Variants in DLGAP2 observed in about 807,000 individuals in gnomAD.
DLGAP2 encodes disks large-associated protein 2.
In DLGAP2, 26 loss-of-function variants were observed where a neutral mutation model predicts 100.3. The observed-to-expected ratio is 0.26, with a 90% CI of 0.19 to 0.36. The LOEUF (loss-of-function observed/expected upper bound fraction) is 0.36. Ranked by LOEUF, DLGAP2 falls within the 10% of genes least tolerant of loss-of-function variation. The pLI, the probability that DLGAP2 is intolerant of heterozygous loss-of-function variation, is 1.00. For synonymous variants in DLGAP2, 886 were observed against 630.1 expected, an observed-to-expected ratio of 1.41 and a Z score of -6.08; for missense variants, 1,858 against 1,453.2, an observed-to-expected ratio of 1.28 and a Z score of -4.53.
chr8:1,490,442 A>G (rs919730912), intron 3 of DLGAP2, among the ~76,000 whole-genome samples: 2 of 152,172 alleles, frequency 1.3e-5, no homozygotes, highest in African/African-American at 4.8e-5. Context: ...ATATTTTTTT[A>G]TGTTAAAATG....
At chr8:1,025,329 C>T (rs1801766601) in intron 2 of DLGAP2, among the ~76,000 whole-genome samples, 2 of 152,162 alleles carry the variant, frequency 1.3e-5, no homozygotes, top group Non-Finnish European at 2.9e-5. Context: ...AGATTGTTTT[C>T]AAGGCTGTTC....
At chr8:752,807 C>G (rs1266641190) in intron 1 of DLGAP2, among the ~76,000 whole-genome samples, 1 of 152,110 alleles carries the variant, frequency 6.6e-6, no homozygotes, top group Admixed American at 6.5e-5. Context: ...ATACTGTCGG[C>G]TGGGCCCAGG....
chr8:893,973 C>G (rs776170553), intron 1 of DLGAP2, among the ~76,000 whole-genome samples: 1 of 152,328 alleles, frequency 6.6e-6, no homozygotes, highest in South Asian at 2.1e-4. Context: ...CCTTGGCTGT[C>G]GGCCCGAGGC....
intron 2 of DLGAP2, among the ~76,000 whole-genome samples, chr8:931,637 C>A (rs1050259520): frequency 3.9e-5 from 6 of 152,168 alleles, no homozygotes; most frequent in African/African-American, 1.4e-4. Flanking sequence ...TCTCTGGAAC[C>A]CTTGCCAGCC....
intron 2 of DLGAP2, among the ~76,000 whole-genome samples, chr8:1,170,221 C>T (rs1797100192): frequency 6.6e-6 from 1 of 152,174 alleles, no homozygotes; most frequent in African/African-American, 2.4e-5. Context: ...CCTTGCATCC[C>T]AGGGATGAAG....
At chr8:1,005,861 G>A (rs1258550449) in intron 2 of DLGAP2, among the ~76,000 whole-genome samples, 2 of 152,104 alleles carry the variant, frequency 1.3e-5, no homozygotes, top group Non-Finnish European at 2.9e-5. Context: ...TGCTCCAGAT[G>A]TCCCATGACT....
intron 2 of DLGAP2, among the ~76,000 whole-genome samples, chr8:1,203,855 A>C (rs1797934507): frequency 6.6e-6 from 1 of 152,194 alleles, no homozygotes; most frequent in African/African-American, 2.4e-5. Context: ...GGATGAAGGC[A>C]GGCTCGTTCT....
At chr8:1,047,396 C>G (rs1201032811) in intron 2 of DLGAP2, among the ~76,000 whole-genome samples, 1 of 152,160 alleles carries the variant, frequency 6.6e-6, no homozygotes, top group African/African-American at 2.4e-5. Flanking sequence ...TTGCATTACA[C>G]TTACCAGTTA....
intron 1 of DLGAP2, among the ~76,000 whole-genome samples, chr8:766,130 A>C (rs1015820384): frequency 2.6e-5 from 4 of 152,158 alleles, no homozygotes; most frequent in Non-Finnish European, 5.9e-5. Context: ...TTGTGCCATT[A>C]CACTCCAGCC....
chr8:1,198,850 G>A (rs1225402094), intron 2 of DLGAP2, among the ~76,000 whole-genome samples: 2 of 152,246 alleles, frequency 1.3e-5, no homozygotes, highest in African/African-American at 2.4e-5. Flanking sequence ...GGTCTTGGCT[G>A]GGGGTTAGGA....
At chr8:1,069,335 G>A (rs761700342) in intron 2 of DLGAP2, among the ~76,000 whole-genome samples, 5 of 152,142 alleles carry the variant, frequency 3.3e-5, no homozygotes, top group Non-Finnish European at 4.4e-5. Flanking sequence ...ACAGACCTGC[G>A]GCCCGTGGAC....
At chr8:1,193,784 C>G (rs1377380696) in intron 2 of DLGAP2, among the ~76,000 whole-genome samples, 2 of 152,000 alleles carry the variant, frequency 1.3e-5, no homozygotes, top group Non-Finnish European at 2.9e-5. Flanking sequence ...TCTAGAGCCT[C>G]CGCACCATGC....
At chr8:1,115,320 C>G (rs1369242393) in intron 2 of DLGAP2, among the ~76,000 whole-genome samples, 1 of 152,148 alleles carries the variant, frequency 6.6e-6, no homozygotes, top group Non-Finnish European at 1.5e-5. Context: ...GTGTGGGAGT[C>G]TTTTTCTCTT....
chr8:1,196,384 G>A (rs1206021058), intron 2 of DLGAP2, among the ~76,000 whole-genome samples: 1 of 152,166 alleles, frequency 6.6e-6, no homozygotes, highest in Admixed American at 6.5e-5. Flanking sequence ...TCAGCACAGG[G>A]GCTAACACAG....
At chr8:1,327,512 TTGA>T (rs1801048046) in intron 3 of DLGAP2, among the ~76,000 whole-genome samples, 1 of 152,218 alleles carries the variant, frequency 6.6e-6, no homozygotes, top group African/African-American at 2.4e-5. Context: ...GAAGTTGAAC[TTGA>T]CCTTTTTAAA....
chr8:1,533,249 A>G (rs1801043871), intron 4 of DLGAP2, among the ~76,000 whole-genome samples: 1 of 152,042 alleles, frequency 6.6e-6, no homozygotes, highest in Non-Finnish European at 1.5e-5. Flanking sequence ...CTGTAATTCC[A>G]GCACTTTGGG....
chr8:1,309,583 G>A (rs1347484440), intron 3 of DLGAP2, among the ~76,000 whole-genome samples: 2 of 152,188 alleles, frequency 1.3e-5, no homozygotes, highest in African/African-American at 4.8e-5. Flanking sequence ...GAATGCGAAA[G>A]GGAACCTTGC....
chr8:1,366,812 T>G (rs1046469221), intron 3 of DLGAP2, among the ~76,000 whole-genome samples: 2 of 152,106 alleles, frequency 1.3e-5, no homozygotes, highest in Admixed American at 1.3e-4. Context: ...AAAAATGTAA[T>G]AAGGGGGTCT....
At chr8:1,421,580 A>G (rs1240903280) in intron 3 of DLGAP2, among the ~76,000 whole-genome samples, 1 of 152,222 alleles carries the variant, frequency 6.6e-6, no homozygotes, top group African/African-American at 2.4e-5. Flanking sequence ...TATGAAAGTT[A>G]TATTTTCATA....
Sources: allele counts gnomAD v4.1 joint callset (sites outside exome capture counted in the v4.1 genomes callset), GRCh38; gene constraint gnomAD v4.1.1; transcripts MANE v1.5; gene names NCBI Gene and HGNC (gene_info 2026-07-23, HGNC 2026-07-21).